The following COL20A1 variants were observed in gnomAD, a reference collection of about 807,000 sequenced individuals.
COL20A1 encodes collagen type XX alpha 1 chain, also known as collagen alpha-1(XX) chain.
A neutral mutation model predicts 152.9 loss-of-function variants in COL20A1; 164 were observed. The observed-to-expected ratio is 1.07, with a 90% CI of 0.94 to 1.22. The LOEUF (loss-of-function observed/expected upper bound fraction) is 1.22, where lower values mean the gene tolerates loss of function less well. Ranked by LOEUF, COL20A1 falls within the 50% of genes most tolerant of loss-of-function variation. The probability of loss-of-function intolerance (pLI) is 0.00; values close to 1 mark genes in which losing one functional copy is unlikely to be tolerated. For missense variants in COL20A1, 1,873 were observed against 1,744.8 expected, an observed-to-expected ratio of 1.07 and a Z score of -1.31; for synonymous variants, 864 against 756.0, an observed-to-expected ratio of 1.14 and a Z score of -2.34.
intron 34 of COL20A1, chr20:63,329,237 C>T: frequency 3.9e-6 from 1 of 255,634 alleles, no homozygotes; most frequent in Non-Finnish European, 7.5e-6. Context: ...AAGCTGCCCA[C>T]AGTGGCCTGG....
chr20:63,326,998 G>A (rs1249965599), intron 31 of COL20A1, among the ~76,000 whole-genome samples, 175 bp downstream of exon 31: 1 of 151,788 alleles, frequency 6.6e-6, no homozygotes, highest in Non-Finnish European at 1.5e-5. Flanking sequence ...CCTGTTTACT[G>A]GCCTGGAACT....
At position 63,329,680 on chromosome 20, in the gene COL20A1, CATCT is replaced by C. The variant is rs11467582; in HGVS notation, c.*3+24_*3+27del. On this transcript the variant is annotated intron_variant, in intron 35 of 35. Coordinates refer to ENST00000358894, the MANE Select transcript of COL20A1 (RefSeq NM_020882.4). The stretch of plus-strand genomic sequence containing the variant: ...GTGACAGGTGAGCCCCTGCTGCCTG[CATCT>C]ATCTGCCAAGGCTGAGGGCATCCAG... 8.1e-3 allele frequency: 12,427 copies of C among 1,532,024 alleles called. 734 individuals carry two copies. The African/African-American group carries it at 0.13, about 17-fold the overall frequency. The allele number at this position is 1,532,024 out of a possible 1,614,324, so 94.9% of individuals were successfully genotyped here.
At chr20:63,299,882 A>C (rs1178777927) in intron 3 of COL20A1, among the ~76,000 whole-genome samples, 1 of 151,652 alleles carries the variant, frequency 6.6e-6, no homozygotes, top group Non-Finnish European at 1.5e-5. Context: ...GTGTATATAT[A>C]TATGTACGTG....
At chr20:63,327,272 TC>T (rs1441501828) in intron 31 of COL20A1, 2 of 187,114 alleles carry the variant, frequency 1.1e-5, no homozygotes, top group Non-Finnish European at 2.2e-5. Context: ...CCCAGGGACT[TC>T]CTATTGACCA....
At chr20:63,322,475 T>G (rs1351927616) in intron 27 of COL20A1, among the ~76,000 whole-genome samples, 1 of 152,184 alleles carries the variant, frequency 6.6e-6, no homozygotes, top group Non-Finnish European at 1.5e-5. Context: ...GGGGCAGGCA[T>G]GAGCCAGATG....
intron 21 of COL20A1, among the ~76,000 whole-genome samples, chr20:63,317,596 C>T (rs2068100685): frequency 6.6e-6 from 1 of 152,020 alleles, no homozygotes. Flanking sequence ...TCTCTCCCAG[C>T]CTGTTTTGTC....
At chr20:63,329,739 T>G (rs1278228298) in intron 35 of COL20A1, 78 bp downstream of exon 35, 6 of 1,008,944 alleles carry the variant, frequency 5.9e-6, no homozygotes, top group Admixed American at 2.5e-5. Context: ...GGCCAACGGG[T>G]GGGGCCTCAT....
In COL20A1 at chr20:63,322,234, G is replaced by T. The variant is rs541972862; in HGVS notation, c.3294+123G>T. 1.9e-5 allele frequency: 15 copies of T among 785,740 alleles called. 1 individual carries two copies. In the South Asian group the frequency reaches 2.2e-4, roughly 11 times the overall value. 48.7% of individuals were successfully genotyped at this position (785,740 alleles called of 1,614,324 possible). Reference sequence around the variant, plus strand: ...ACGCAGCTTCCCTAGGCAGGGTGGGGTCTCCCCAAGCTGCAGACAGGCAGG... The same window carrying T: ...ACGCAGCTTCCCTAGGCAGGGTGGGTTCTCCCCAAGCTGCAGACAGGCAGG... On this transcript the variant is annotated intron_variant, in intron 27 of 35. Transcript: ENST00000358894.
rs2068134517 is a variant in COL20A1 at position 63,319,764 on chromosome 20, A to G, written c.2916+168A>G. 6.6e-6 allele frequency among the ~76,000 whole-genome samples: 1 copy of G among 151,842 alleles called. No homozygotes were observed. The highest frequency in any genetic ancestry group is 6.6e-5 in the Admixed American group (1 of 15,262). Reference sequence around the variant, plus strand: ...CCTCTACCCCAGCTCTTCCATCTTAATTGGAGTTGAAGAGCCTCCCAGCCC... The same window carrying G: ...CCTCTACCCCAGCTCTTCCATCTTAGTTGGAGTTGAAGAGCCTCCCAGCCC... On this transcript the variant is annotated intron_variant, in intron 23 of 35. Transcript: ENST00000358894. This position sits in a 1 kb window ranked among gnomAD's most constrained non-coding sequence, Gnocchi z 4.4.
chr20:63,329,200 C>G (rs557640199), intron 34 of COL20A1: 4 of 224,520 alleles, frequency 1.8e-5, no homozygotes, highest in African/African-American at 9.3e-5. Context: ...GCCCCGTGGG[C>G]TGTGGGAACC....
chr20:63,328,667 C>A (rs1260323393), intron 34 of COL20A1, among the ~76,000 whole-genome samples, 169 bp downstream of exon 34: 1 of 152,198 alleles, frequency 6.6e-6, no homozygotes, highest in Non-Finnish European at 1.5e-5. Context: ...TTCCCTGAGC[C>A]CACACAAAGC....
rs1346194874 is a variant in COL20A1, at chr20:63,313,918, C to A, written c.2358+27C>A. On this transcript the variant is annotated intron_variant, in intron 18 of 35. Transcript: ENST00000358894. This position sits in a 1 kb window ranked among gnomAD's most constrained non-coding sequence, Gnocchi z 5.9. The stretch of plus-strand genomic sequence containing the variant: ...TGAGTCTTGGTAGAGCCTGAGGCTG[C>A]CCCACCTCGTGGGGCCTCCTGGAAG... 6.3e-7 allele frequency: 1 copy of A among 1,584,470 alleles called. No individual in the cohort carries two copies. The highest frequency in any genetic ancestry group is 8.6e-7 in the Non-Finnish European group (1 of 1,165,186).
chr20:63,318,655 C>T (rs755799573), intron 21 of COL20A1, among the ~76,000 whole-genome samples: 3 of 152,164 alleles, frequency 2.0e-5, no homozygotes, highest in Admixed American at 1.3e-4. Context: ...CCCGGGAGCA[C>T]GGGTCTTGGT....
At chr20:63,316,436 C>A in intron 20 of COL20A1, 117 bp from the exon 21 acceptor site, 1 of 546,360 alleles carries the variant, frequency 1.8e-6, no homozygotes, top group Non-Finnish European at 3.0e-6. Flanking sequence ...CGTCACCCCT[C>A]CCTCCCACCG....
At chr20:63,300,711 T>G (rs1445329869) in intron 3 of COL20A1, among the ~76,000 whole-genome samples, 2 of 152,206 alleles carry the variant, frequency 1.3e-5, no homozygotes, top group Non-Finnish European at 2.9e-5. Context: ...TGTGTTTAAT[T>G]TTCTGCTCTA....
rs557287024 is a variant in COL20A1 at position 63,309,414 on chromosome 20, TC to T, written c.1024del (p.Leu342CysfsTer44). 2.8e-4 allele frequency: 431 copies of T among 1,555,880 alleles called. 6 individuals are homozygous for T. The East Asian group carries it at 9.8e-3, about 35-fold the overall frequency. Reference protein sequence around the residue: ...RDITVHSVLDFLQLGALAGLL... With the variant: ...RDITVHSVLDXLQLGALAGLL... ...ATCACCGTCCACAGCGTGCTGGACT[TC>T]CTGCAGCTCGGCGCGCTGGCTGGCC... On this transcript the variant is annotated frameshift_variant, in exon 9 of 36. Coordinates refer to ENST00000358894, the MANE Select transcript of COL20A1 (RefSeq NM_020882.4). LOFTEE classifies it high-confidence loss of function.
At position 63,313,041 on chromosome 20, in the gene COL20A1, G is replaced by T; in HGVS notation, c.2077-76G>T. 1 of 1,552,340 alleles carries T rather than the reference G, an allele frequency of 6.4e-7. No individual in the cohort carries two copies. Among genetic ancestry groups the T allele is most frequent in the East Asian group, 2.4e-5 (1 of 41,350 alleles). On this transcript the variant is annotated intron_variant, in intron 16 of 35. Coordinates refer to ENST00000358894, the MANE Select transcript of COL20A1 (RefSeq NM_020882.4). The surrounding 1 kb of genome is among the most constrained non-coding windows in gnomAD (Gnocchi z 5.9). ...TATGTGCGCCCACCCTGTCTCCCAGGGATGCCTCACTGCCCGGCCCCCCAA... is the reference window on the plus strand; with the variant it reads ...TATGTGCGCCCACCCTGTCTCCCAGTGATGCCTCACTGCCCGGCCCCCCAA...
rs3746381 is a variant in COL20A1, at chr20:63,319,440, C to T, written c.2807-47C>T. On this transcript the variant is annotated intron_variant, in intron 22 of 35. Transcript: ENST00000358894. This position sits in a 1 kb window ranked among gnomAD's most constrained non-coding sequence, Gnocchi z 4.4. ...GGCCGCCCTGCTCAAGGTATAGGCC[C>T]GGCTGGTTGCAGCCCGTTCTCACCT... The T allele has an allele frequency of 0.2, 279,505 of 1,421,324 alleles. 30,033 individuals carry two copies. Among genetic ancestry groups the T allele is most frequent in the East Asian group, 0.4 (16,194 of 40,256 alleles). 88.0% of individuals were successfully genotyped at this position (1,421,324 alleles called of 1,614,324 possible). A position where few individuals can be genotyped will look rare whatever the true frequency, so the allele number is the denominator to read the frequency against.
At chr20:63,318,611 G>A (rs2068115458) in intron 21 of COL20A1, among the ~76,000 whole-genome samples, 1 of 152,166 alleles carries the variant, frequency 6.6e-6, no homozygotes, top group African/African-American at 2.4e-5. Context: ...CCCCTGTGGG[G>A]TGTCCTGGGC....
Sources: allele counts gnomAD v4.1 joint callset (sites outside exome capture counted in the v4.1 genomes callset), GRCh38; gene constraint gnomAD v4.1.1; non-coding constraint Gnocchi (gnomAD v3.1); transcripts MANE v1.5; gene names NCBI Gene and HGNC (gene_info 2026-07-23, HGNC 2026-07-21).